FRK: variants seen among roughly 807,000 people sequenced by gnomAD.
FRK encodes fyn related Src family tyrosine kinase.
In FRK, 51 loss-of-function variants were observed where a neutral mutation model predicts 56.4. The observed-to-expected ratio is 0.90, with a 90% CI of 0.72 to 1.14. The LOEUF (loss-of-function observed/expected upper bound fraction) is 1.14. FRK is among the 50% of genes most tolerant of loss of function. FRK has a pLI of 0.00. For missense variants in FRK, 570 were observed against 601.4 expected (o/e 0.95, Z 0.55); for synonymous variants, 245 against 217.9 (o/e 1.12, Z -1.10).
chr6:115,984,475 G>A (rs930105859), intron 2 of FRK, among the ~76,000 whole-genome samples: 8 of 151,906 alleles, frequency 5.3e-5, no homozygotes, highest in Non-Finnish European at 1.0e-4. Flanking sequence ...ATTAAGTGAT[G>A]GAGCTGAGAC....
intron 1 of FRK, among the ~76,000 whole-genome samples, chr6:116,018,185 A>T (rs1775723733): frequency 6.6e-6 from 1 of 152,146 alleles, no homozygotes; most frequent in Admixed American, 6.5e-5. Context: ...ATGTTTCTGT[A>T]TGCAAAGCAG....
chr6:115,952,928 G>C (rs1305048661), intron 5 of FRK, among the ~76,000 whole-genome samples: 2 of 111,442 alleles, frequency 1.8e-5, no homozygotes, highest in East Asian at 3.2e-4. Context: ...GTGGTGGGGT[G>C]GGGGGAGGGG....
chr6:116,020,983 A>G (rs563530263), intron 1 of FRK, among the ~76,000 whole-genome samples: 1 of 152,316 alleles, frequency 6.6e-6, no homozygotes, highest in African/African-American at 2.4e-5. Context: ...TTGAAGTAAA[A>G]AAAAGGACTA....
chr6:115,996,347 C>T (rs1055206883), intron 2 of FRK, among the ~76,000 whole-genome samples: 4 of 152,034 alleles, frequency 2.6e-5, no homozygotes, highest in African/African-American at 7.2e-5. Flanking sequence ...GAGTCACATT[C>T]GAATGACTCT....
intron 1 of FRK, among the ~76,000 whole-genome samples, chr6:116,050,552 A>G (rs898038415): frequency 6.6e-6 from 1 of 152,010 alleles, no homozygotes; most frequent in Admixed American, 6.6e-5. Flanking sequence ...GAAGCGCTCT[A>G]CTCTTCACCA....
chr6:116,089,846 A>G, the FRK span, among the ~76,000 whole-genome samples: 2 of 152,166 alleles, frequency 1.3e-5, no homozygotes, highest in African/African-American at 2.4e-5. Context: ...ATTTCCGCCT[A>G]TAACAAACCC....
chr6:116,009,100 G>GC, intron 1 of FRK, among the ~76,000 whole-genome samples: 1 of 152,278 alleles, frequency 6.6e-6, no homozygotes, highest in Middle Eastern at 3.4e-3. Context: ...GACAGAAACA[G>GC]CCGGACTGGT....
At position 115,933,920 on chromosome 6, in the gene FRK, TA is replaced by T. The variant is rs1298066518; in HGVS notation, c.*8493del. 19 of 152,316 alleles carry T rather than the reference TA, an allele frequency of 1.2e-4. No homozygotes were observed. Among genetic ancestry groups the T allele is most frequent in the African/African-American group, 4.3e-4 (18 of 41,560 alleles). 9.4% of individuals were successfully genotyped at this position (152,316 alleles called of 1,614,324 possible). On this transcript the variant is annotated 3_prime_UTR_variant, in exon 8 of 8. Coordinates refer to ENST00000606080, the MANE Select transcript of FRK (RefSeq NM_002031.3). ...TTTATAAAGGAATCAAGGGGTTCTA[TA>T]ATCTTTAGCTTCACATGACCCATTT...
intron 1 of FRK, among the ~76,000 whole-genome samples, chr6:116,008,833 T>C (rs1293674848): frequency 2.0e-5 from 3 of 152,090 alleles, no homozygotes; most frequent in Non-Finnish European, 4.4e-5. Flanking sequence ...GTATAAAGCA[T>C]CACAAGAGAG....
chr6:115,949,714 G>A (rs558696617), intron 5 of FRK, among the ~76,000 whole-genome samples: 31 of 152,174 alleles, frequency 2.0e-4, no homozygotes, highest in African/African-American at 6.7e-4. Flanking sequence ...AAAAGAGCCC[G>A]TATAGCCAAG....
Position 116,060,035 on chromosome 6 carries a change from T to C in FRK, c.277A>G (p.Ser93Gly), listed in dbSNP as rs1299828815. Residue 93 changes from serine (S) to glycine (G), a missense_variant, in exon 1 of 8, where the codon AGT (serine) becomes GGT (glycine). Ser to Gly is a moderately conservative substitution (Grantham distance 56). Coordinates refer to ENST00000606080, the MANE Select transcript of FRK (RefSeq NM_002031.3). Reference protein sequence around the residue: ...RHLEKRRDGSSQQLQGYIPSN... With the variant: ...RHLEKRRDGSGQQLQGYIPSN... ...GGAATATAGCCTTGTAGTTGCTGAC[T>C]GGAGCCATCTCGTCTTTTCTCCAAG... 1 of 1,614,208 alleles carries C rather than the reference T, an allele frequency of 6.2e-7. No individual in the cohort carries two copies.
chr6:115,967,739 G>T lies in FRK; in HGVS notation c.631-20C>A. ...CTGGATCTGTTTCATAGAATAATAA[G>T]AGCAATTGTTAAAAAAAAAAAAGTA... On this transcript the variant is annotated intron_variant, in intron 3 of 7. Coordinates refer to ENST00000606080, the MANE Select transcript of FRK (RefSeq NM_002031.3). The T allele has an allele frequency of 7.0e-7, 1 of 1,431,126 alleles. No homozygotes were observed. Among genetic ancestry groups the T allele is most frequent in the Non-Finnish European group, 9.2e-7 (1 of 1,086,610 alleles). The allele number at this position is 1,431,126 out of a possible 1,614,324, so 88.7% of individuals were successfully genotyped here. A position where few individuals can be genotyped will look rare whatever the true frequency, so the allele number is the denominator to read the frequency against.
At chr6:116,059,089 C>A (rs80328154) in intron 1 of FRK, among the ~76,000 whole-genome samples, 8 of 152,088 alleles carry the variant, frequency 5.3e-5, no homozygotes, top group Non-Finnish European at 1.0e-4. Context: ...TATTCAGTCA[C>A]TACTAGAATA....
intron 4 of FRK, among the ~76,000 whole-genome samples, chr6:115,960,587 G>A (rs897634481): frequency 3.1e-5 from 4 of 130,598 alleles, no homozygotes; most frequent in African/African-American, 5.9e-5. Flanking sequence ...CCACCTCTGG[G>A]GGCAGGGCAC....
intron 4 of FRK, among the ~76,000 whole-genome samples, chr6:115,959,309 C>T (rs1432133335): frequency 6.6e-6 from 1 of 152,078 alleles, no homozygotes; most frequent in African/African-American, 2.4e-5. Context: ...AGAAAACTAT[C>T]GTGGTTTTTT....
intron 1 of FRK, among the ~76,000 whole-genome samples, chr6:116,019,754 T>C (rs993031445): frequency 6.6e-6 from 1 of 152,150 alleles, no homozygotes; most frequent in Non-Finnish European, 1.5e-5. Flanking sequence ...TTGTGCAGAA[T>C]AGAAAGTGGG....
chr6:115,941,507 A>C lies in FRK; in HGVS notation c.*907T>G, dbSNP rs2114502984. 6.6e-6 allele frequency: 1 copy of C among 152,272 alleles called. No homozygotes were observed. Among genetic ancestry groups the C allele is most frequent in the East Asian group, 1.9e-4 (1 of 5,180 alleles). 9.4% of individuals were successfully genotyped at this position (152,272 alleles called of 1,614,324 possible). A position where few individuals can be genotyped will look rare whatever the true frequency, so the allele number is the denominator to read the frequency against. ...TAAACTATAATAAAAAGTAAAAAAT[A>C]AAAAATAAATAAAACTCTGATCTGT... On this transcript the variant is annotated 3_prime_UTR_variant, in exon 8 of 8. Transcript: ENST00000606080.
chr6:116,062,563 C>T (rs1472320285), upstream of FRK, among the ~76,000 whole-genome samples: 2 of 151,826 alleles, frequency 1.3e-5, no homozygotes, highest in Non-Finnish European at 2.9e-5. Flanking sequence ...TTTGAATTGT[C>T]GGGGTTCTAA....
chr6:115,953,494 C>T (rs1001649546), intron 5 of FRK, among the ~76,000 whole-genome samples: 1 of 152,164 alleles, frequency 6.6e-6, no homozygotes, highest in Admixed American at 6.5e-5. Context: ...CGGCCCAAGG[C>T]CACTTTATTG....
Sources: allele counts gnomAD v4.1 joint callset (sites outside exome capture counted in the v4.1 genomes callset), GRCh38; gene constraint gnomAD v4.1.1; transcripts MANE v1.5; gene names NCBI Gene and HGNC (gene_info 2026-07-23, HGNC 2026-07-21).